Variants in SDK1 observed in about 807,000 individuals in gnomAD.
SDK1 encodes the protein sidekick cell adhesion molecule 1.
A neutral mutation model predicts 245.5 loss-of-function variants in SDK1; 157 were observed. The ratio of observed to expected loss-of-function variants is 0.64; its 90% CI spans 0.56 to 0.73. SDK1 has a LOEUF of 0.73. Ranked by LOEUF, SDK1 falls within the 30% of genes least tolerant of loss-of-function variation. The pLI, the probability that SDK1 is intolerant of heterozygous loss-of-function variation, is 0.00. For synonymous variants in SDK1, 1,647 were observed against 1,278.5 expected, an observed-to-expected ratio of 1.29 and a Z score of -6.15; for missense variants, 3,583 against 3,002.3, an observed-to-expected ratio of 1.19 and a Z score of -4.52.
rs923249222 is a variant in SDK1, at chr7:4,252,301, T to C, written c.6381+6496T>C. 7.5e-5 allele frequency among the ~76,000 whole-genome samples: 11 copies of C among 145,828 alleles called. No homozygotes were observed. In the Admixed American group the frequency reaches 7.9e-4, roughly 10 times the overall value. Reference sequence around the variant, plus strand: ...CAATTCCCACCTATGAGTGAGAACATGCGGTGTTTGGTTTTTTGTCCTTGC... The same window carrying C: ...CAATTCCCACCTATGAGTGAGAACACGCGGTGTTTGGTTTTTTGTCCTTGC... On this transcript the variant is annotated intron_variant, in intron 44 of 44. Transcript: ENST00000404826.
chr7:3,501,891 G>C (rs919451991), intron 1 of SDK1, among the ~76,000 whole-genome samples: 1 of 152,010 alleles, frequency 6.6e-6, no homozygotes, highest in Admixed American at 6.6e-5. Context: ...ACAGACATTT[G>C]GAAATGTAAC....
intron 4 of SDK1, among the ~76,000 whole-genome samples, chr7:3,669,045 C>T (rs573220652): frequency 6.6e-6 from 1 of 152,234 alleles, no homozygotes; most frequent in South Asian, 2.1e-4. Flanking sequence ...TACCACTTAC[C>T]AAAGCTCTTT....
chr7:3,512,594 CCATTGCTCCG>C (rs1359600857), intron 1 of SDK1, among the ~76,000 whole-genome samples: 1 of 152,152 alleles, frequency 6.6e-6, no homozygotes, highest in Non-Finnish European at 1.5e-5. Flanking sequence ...CTGAGAATTC[CCATTGCTCCG>C]CATCCTCTTT....
At chr7:3,797,385 T>A (rs940041353) in intron 4 of SDK1, among the ~76,000 whole-genome samples, 1 of 151,964 alleles carries the variant, frequency 6.6e-6, no homozygotes, top group Non-Finnish European at 1.5e-5. Flanking sequence ...AATAAGCTAA[T>A]GTATATTTTC....
intron 5 of SDK1, among the ~76,000 whole-genome samples, chr7:3,909,494 T>A (rs1292411497): frequency 6.6e-6 from 1 of 152,196 alleles, no homozygotes; most frequent in Non-Finnish European, 1.5e-5. Flanking sequence ...CAACACTGTC[T>A]ACCTTTTATG....
At chr7:3,473,743 A>AGTGG (rs1356717130) in intron 1 of SDK1, among the ~76,000 whole-genome samples, 4 of 152,178 alleles carry the variant, frequency 2.6e-5, no homozygotes, top group Middle Eastern at 3.4e-3. Flanking sequence ...CCTCCTACAC[A>AGTGG]GAGCCCTGGC....
chr7:3,926,999 G>A (rs1177352152), intron 5 of SDK1, among the ~76,000 whole-genome samples: 2 of 152,146 alleles, frequency 1.3e-5, no homozygotes, highest in South Asian at 2.1e-4. Context: ...TTGGGGGCCC[G>A]TCAATGCCTC....
intron 44 of SDK1, among the ~76,000 whole-genome samples, chr7:4,256,669 C>T (rs756456641): frequency 2.6e-5 from 4 of 152,182 alleles, no homozygotes; most frequent in African/African-American, 4.8e-5. Context: ...TGTACGTCCT[C>T]GGCCCTGGCT....
At chr7:3,357,504 G>T (rs558639190) in intron 1 of SDK1, among the ~76,000 whole-genome samples, 2 of 151,264 alleles carry the variant, frequency 1.3e-5, no homozygotes, top group African/African-American at 4.9e-5. Context: ...TGCATGCCAC[G>T]ATACCTGGCT....
intron 17 of SDK1, among the ~76,000 whole-genome samples, chr7:4,025,016 TCACACACACACACA>T (rs10602730): frequency 1.0e-3 from 155 of 148,456 alleles, no homozygotes; most frequent in African/African-American, 3.5e-3. Context: ...TATTTTGCAT[TCACACACACACACA>T]CACACACACA....
chr7:3,952,085 A>G lies in SDK1; in HGVS notation c.1150+165A>G, dbSNP rs549096779. Reference sequence around the variant, plus strand: ...AAATCCTTCCTAGCCTTCTTTCCCAAGAATATAAGTCCATTAAATCCAAAG... The same window carrying G: ...AAATCCTTCCTAGCCTTCTTTCCCAGGAATATAAGTCCATTAAATCCAAAG... On this transcript the variant is annotated intron_variant, in intron 7 of 44. Transcript: ENST00000404826. The G allele has an allele frequency of 8.2e-5, 52 of 637,120 alleles. 1 individual carries two copies. The African/African-American group carries it at 8.5e-4, about 10-fold the overall frequency. 39.5% of individuals were successfully genotyped at this position (637,120 alleles called of 1,614,324 possible).
At chr7:3,583,617 G>A (rs746072079) in intron 1 of SDK1, among the ~76,000 whole-genome samples, 31 of 152,266 alleles carry the variant, frequency 2.0e-4, no homozygotes, top group Admixed American at 1.0e-3. Flanking sequence ...ATACAGAAAT[G>A]AATAACATAT....
chr7:3,303,898 T>G (rs1047305595), intron 1 of SDK1, among the ~76,000 whole-genome samples: 1 of 152,180 alleles, frequency 6.6e-6, no homozygotes, highest in African/African-American at 2.4e-5. Flanking sequence ...CAGGAGTGCA[T>G]TCTCTTGAAT....
At chr7:3,915,295 C>A (rs909380612) in intron 5 of SDK1, among the ~76,000 whole-genome samples, 2 of 152,098 alleles carry the variant, frequency 1.3e-5, no homozygotes, top group African/African-American at 4.8e-5. Context: ...GGTAGGAGAC[C>A]CCTGAAGAGC....
At chr7:3,340,820 T>C (rs1276150344) in intron 1 of SDK1, among the ~76,000 whole-genome samples, 1 of 149,556 alleles carries the variant, frequency 6.7e-6, no homozygotes, top group East Asian at 1.9e-4. Flanking sequence ...TAAAACAAGG[T>C]ATACTGTAAT....
intron 5 of SDK1, among the ~76,000 whole-genome samples, chr7:3,877,929 A>G (rs1339574103): frequency 2.6e-5 from 4 of 152,242 alleles, no homozygotes; most frequent in African/African-American, 9.6e-5. Context: ...AAGTCTTTTA[A>G]TACATACACA....
chr7:4,265,486 A>G lies in SDK1; in HGVS notation c.*102A>G. ...AATAACTGAGCTGAAGTTTTTGTTTAAAAAGAAAAAAATCTGATAAGTGAT... is the reference window on the plus strand; with the variant it reads ...AATAACTGAGCTGAAGTTTTTGTTTGAAAAGAAAAAAATCTGATAAGTGAT... On this transcript the variant is annotated 3_prime_UTR_variant, in exon 45 of 45. Transcript: ENST00000404826. The G allele has an allele frequency of 7.3e-7, 1 of 1,370,512 alleles. No individual in the cohort carries two copies. The highest frequency in any genetic ancestry group is 9.3e-7 in the Non-Finnish European group (1 of 1,070,204). 84.9% of individuals were successfully genotyped at this position (1,370,512 alleles called of 1,614,324 possible).
chr7:3,936,491 A>G (rs1780164090), intron 5 of SDK1, among the ~76,000 whole-genome samples: 1 of 151,988 alleles, frequency 6.6e-6, no homozygotes, highest in Non-Finnish European at 1.5e-5. Flanking sequence ...AGGCTGAGGC[A>G]GGAGAAACAC....
intron 29 of SDK1, among the ~76,000 whole-genome samples, chr7:4,148,544 A>G (rs950541534): frequency 6.6e-6 from 1 of 152,208 alleles, no homozygotes; most frequent in Non-Finnish European, 1.5e-5. Flanking sequence ...GCCCTGGGTG[A>G]CTGCAAGAAG....
Sources: allele counts gnomAD v4.1 joint callset (sites outside exome capture counted in the v4.1 genomes callset), GRCh38; gene constraint gnomAD v4.1.1; transcripts MANE v1.5; gene names NCBI Gene and HGNC (gene_info 2026-07-23, HGNC 2026-07-21).